HLTF: variants seen among roughly 807,000 people sequenced by gnomAD.
HLTF encodes helicase like transcription factor, also known as DNA-dependent ATPase/E3 ubiquitin-protein ligase HLTF.
Under a neutral mutation model 129.4 loss-of-function variants are expected in HLTF, and 127 were observed. The ratio of observed to expected loss-of-function variants is 0.98; its 90% confidence interval spans 0.85 to 1.14. The LOEUF is 1.14. Ranked by LOEUF, HLTF falls within the 50% of genes most tolerant of loss-of-function variation. The pLI is 0.00. For synonymous variants in HLTF, 332 were observed against 388.8 expected (o/e 0.85, Z 1.72); for missense variants, 1,139 against 1,187.1 (o/e 0.96, Z 0.60).
chr3:149,031,980 T>C lies in HLTF; in HGVS notation c.*240A>G. The C allele has an allele frequency of 3.5e-6, 1 of 286,096 alleles. No homozygotes were observed. The highest frequency in any genetic ancestry group is 6.4e-6 in the Non-Finnish European group (1 of 157,214). 17.7% of individuals were successfully genotyped at this position (286,096 alleles called of 1,614,324 possible). A position where few individuals can be genotyped will look rare whatever the true frequency, so the allele number is the denominator to read the frequency against. ...TATTATGAAAAGCTGAATAACAAAG[T>C]AACCTTTTTTCTCAAATTATTTCAG... On this transcript the variant is annotated 3_prime_UTR_variant, in exon 25 of 25. Coordinates refer to ENST00000310053, the MANE Select transcript of HLTF (RefSeq NM_003071.4).
At position 149,041,680 on chromosome 3, in the gene HLTF, G is replaced by T. The variant is rs1716145203; in HGVS notation, c.2198-12C>A. 1 of 1,582,632 alleles carries T rather than the reference G, an allele frequency of 6.3e-7. No homozygotes were observed. Among genetic ancestry groups the T allele is most frequent in the Non-Finnish European group, 8.7e-7 (1 of 1,155,752 alleles). ...AGGTGTATCATTTCCTAGAGAAAAG[G>T]CTGAAAAATTAATTTCAGAGCAAGG... On this transcript the variant is annotated splice_polypyrimidine_tract_variant and intron_variant, in intron 19 of 24. Transcript: ENST00000310053.
chr3:149,052,062 C>T, intron 14 of HLTF: 1 of 145,540 alleles, frequency 6.9e-6, no homozygotes, highest in Non-Finnish European at 1.5e-5. Flanking sequence ...GCTGAGGCAG[C>T]AGGATCACTT....
Position 149,086,503 on chromosome 3 carries a change from A to T in HLTF, c.-167T>A. The T allele has an allele frequency of 1.5e-6, 1 of 680,160 alleles. No individual in the cohort carries two copies. The highest frequency in any genetic ancestry group is 1.9e-5 in the South Asian group (1 of 54,000). 42.1% of individuals were successfully genotyped at this position (680,160 alleles called of 1,614,324 possible). ...GGTAAGTCGCCGCGAGTCCAGTCAG[A>T]CGTCGACGCCGTCTCCTTCTGCAAC... On this transcript the variant is annotated 5_prime_UTR_variant, in exon 1 of 25. Transcript: ENST00000310053.
At chr3:149,038,291 C>T (rs1166326448) in intron 23 of HLTF, among the ~76,000 whole-genome samples, 1 of 152,128 alleles carries the variant, frequency 6.6e-6, no homozygotes, top group Admixed American at 6.5e-5. Context: ...AAAGCAGGAT[C>T]TCATTATTTG....
chr3:149,057,076 C>T (rs1215978513), intron 13 of HLTF, among the ~76,000 whole-genome samples: 2 of 124,114 alleles, frequency 1.6e-5, no homozygotes, highest in South Asian at 2.6e-4. Flanking sequence ...CGCCACTGCA[C>T]TCCAGCCTGG....
intron 18 of HLTF, among the ~76,000 whole-genome samples, chr3:149,044,731 T>C (rs151066496): frequency 1.3e-5 from 2 of 152,284 alleles, no homozygotes; most frequent in African/African-American, 4.8e-5. Context: ...ATTCCAGCCT[T>C]CCACTTATGC....
At chr3:149,068,685 A>G (rs764355968) in intron 7 of HLTF, among the ~76,000 whole-genome samples, 13 of 152,352 alleles carry the variant, frequency 8.5e-5, no homozygotes, top group Non-Finnish European at 1.5e-4. Flanking sequence ...TCGGAGCTAA[A>G]GTGATTAGTA....
At position 149,063,401 on chromosome 3, in the gene HLTF, A is replaced by C. The variant is rs574349860; in HGVS notation, c.1160+30T>G. 5.2e-6 allele frequency: 7 copies of C among 1,336,464 alleles called. No individual in the cohort carries two copies. In the East Asian group the frequency reaches 1.4e-4, roughly 26 times the overall value. The allele number at this position is 1,336,464 out of a possible 1,614,324, so 82.8% of individuals were successfully genotyped here. A position where few individuals can be genotyped will look rare whatever the true frequency, so the allele number is the denominator to read the frequency against. On this transcript the variant is annotated intron_variant, in intron 10 of 24. Transcript: ENST00000310053. The stretch of plus-strand genomic sequence containing the variant: ...ATAAGAAAACAGAGTCTAAATAAAC[A>C]TATGACATAATCAAACCATAATAGT...
At chr3:149,066,083 G>C (rs1718358780) in intron 8 of HLTF, among the ~76,000 whole-genome samples, 5 of 148,634 alleles carry the variant, frequency 3.4e-5, no homozygotes, top group African/African-American at 1.0e-4. Context: ...TTTCACTCTT[G>C]TTGCCCAGGC....
At chr3:149,036,000 TGGC>T (rs1394110534) in intron 23 of HLTF, among the ~76,000 whole-genome samples, 3 of 151,348 alleles carry the variant, frequency 2.0e-5, no homozygotes, top group African/African-American at 4.8e-5. Context: ...CCGGGCGTGG[TGGC>T]AGGCGCCTGT....
At position 149,039,210 on chromosome 3, in the gene HLTF, T is replaced by A; in HGVS notation, c.2635A>T (p.Thr879Ser). The change falls in exon 23 of 25, where the codon ACT becomes TCT. Residue 879 changes from threonine to serine, a missense_variant. By Grantham distance (58) the Thr-to-Ser change is moderately conservative (BLOSUM62 1). Coordinates refer to ENST00000310053, the MANE Select transcript of HLTF (RefSeq NM_003071.4). Reference protein sequence around the residue: ...IPLKASGFVFTRLDGSMAQKK... With the variant: ...IPLKASGFVFSRLDGSMAQKK... ...TGGGCCATGGAACCATCCAAACGAG[T>A]AAACACAAATCCAGAGGCTCTAAAG... 6.3e-7 allele frequency: 1 copy of A among 1,578,100 alleles called. No homozygotes were observed. Among genetic ancestry groups the A allele is most frequent in the African/African-American group, 1.4e-5 (1 of 73,212 alleles).
At chr3:149,082,341 C>T in intron 2 of HLTF, among the ~76,000 whole-genome samples, 1 of 152,186 alleles carries the variant, frequency 6.6e-6, no homozygotes, top group East Asian at 1.9e-4. Flanking sequence ...CGCCTGTAGT[C>T]CCAGCTACTT....
At chr3:149,058,073 T>C (rs1418580670) in intron 13 of HLTF, among the ~76,000 whole-genome samples, 6 of 152,142 alleles carry the variant, frequency 3.9e-5, no homozygotes, top group African/African-American at 1.4e-4. Flanking sequence ...TCTGAAAATA[T>C]GAAGGGTAAG....
intron 2 of HLTF, among the ~76,000 whole-genome samples, chr3:149,080,458 G>C (rs1168250761): frequency 6.6e-6 from 1 of 152,084 alleles, no homozygotes; most frequent in African/African-American, 2.4e-5. Flanking sequence ...CAGAGTATTA[G>C]ACAGATATTC....
chr3:149,046,118 A>G lies in HLTF; in HGVS notation c.2034T>C (p.Tyr678=). The G allele has an allele frequency of 1.2e-6, 2 of 1,611,460 alleles. No homozygotes were observed. Residue 678 remains tyrosine, a synonymous_variant, in exon 18 of 25, where the codon TAT becomes TAC. Transcript: ENST00000310053. The part of the protein sequence containing the change: ...ITLSDEERKI[Y]QSVKNEGRAT... ...CTCTGCCTTCATTTTTCACAGACTGATAAATCTTTCTCTCTTCATCTGAAA... is the reference window on the plus strand; with the variant it reads ...CTCTGCCTTCATTTTTCACAGACTGGTAAATCTTTCTCTCTTCATCTGAAA...
intron 7 of HLTF, among the ~76,000 whole-genome samples, chr3:149,070,597 C>T (rs1718764912): frequency 6.6e-6 from 1 of 152,142 alleles, no homozygotes; most frequent in African/African-American, 2.4e-5. Context: ...AATATAAAAA[C>T]TGCTAGTGTA....
At chr3:149,037,189 G>A (rs1012080685) in intron 23 of HLTF, among the ~76,000 whole-genome samples, 1 of 152,014 alleles carries the variant, frequency 6.6e-6, no homozygotes, top group South Asian at 2.1e-4. Context: ...ACAACAGACC[G>A]GCTGGGCGCG....
In HLTF at chr3:149,071,579, A is replaced by T; in HGVS notation, c.702+4T>A. 5 of 1,579,188 alleles carry T rather than the reference A, an allele frequency of 3.2e-6. No homozygotes were observed. The highest frequency in any genetic ancestry group is 4.3e-6 in the Non-Finnish European group (5 of 1,152,718). Reference sequence around the variant, plus strand: ...GTCTTAAATAAAAAATATTGGTTCAATACCTCAGCTGGTTCCATTTCATGG... The same window carrying T: ...GTCTTAAATAAAAAATATTGGTTCATTACCTCAGCTGGTTCCATTTCATGG... On this transcript the variant is annotated splice_donor_region_variant and intron_variant, in intron 6 of 24. Coordinates refer to ENST00000310053, the MANE Select transcript of HLTF (RefSeq NM_003071.4).
At position 149,059,824 on chromosome 3, in the gene HLTF, G is replaced by C. The variant is rs2108015020; in HGVS notation, c.1286-17C>G. On this transcript the variant is annotated splice_polypyrimidine_tract_variant and intron_variant, in intron 12 of 24. Transcript: ENST00000310053. ...AAGATCCTGCTGATAAAACAACAAA[G>C]AATCTTAAATTTTTTTCAAATTATC... 1.3e-6 allele frequency: 2 copies of C among 1,550,612 alleles called. No individual in the cohort carries two copies. Among genetic ancestry groups the C allele is most frequent in the Non-Finnish European group, 1.8e-6 (2 of 1,135,224 alleles).
Sources: allele counts gnomAD v4.1 joint callset (sites outside exome capture counted in the v4.1 genomes callset), GRCh38; gene constraint gnomAD v4.1.1; transcripts MANE v1.5; gene names NCBI Gene and HGNC (gene_info 2026-07-23, HGNC 2026-07-21).